The following STXBP5L variants were observed in gnomAD, a reference collection of about 807,000 sequenced individuals.
STXBP5L encodes the protein syntaxin-binding protein 5-like.
A neutral mutation model predicts 144.5 loss-of-function variants in STXBP5L; 65 were observed. That is an observed-to-expected ratio of 0.45 (90% CI 0.37 to 0.55). The LOEUF is 0.55. Among genes scored for constraint, STXBP5L ranks in the 20% least tolerant of loss-of-function variants. The probability of loss-of-function intolerance (pLI) is 0.00; values close to 1 mark genes in which losing one functional copy is unlikely to be tolerated. For missense variants in STXBP5L, 1,298 were observed against 1,405.5 expected (o/e 0.92, Z 1.22); for synonymous variants, 505 against 469.6 (o/e 1.08, Z -0.97).
chr3:121,088,086 C>T (rs2042588472), intron 5 of STXBP5L, among the ~76,000 whole-genome samples: 1 of 151,792 alleles, frequency 6.6e-6, no homozygotes, highest in African/African-American at 2.4e-5. Context: ...CCAAAATTGA[C>T]AAATGGGATC....
chr3:121,278,863 T>C (rs577020795), intron 18 of STXBP5L, among the ~76,000 whole-genome samples: 73 of 151,636 alleles, frequency 4.8e-4, no homozygotes, highest in Non-Finnish European at 1.3e-4. Flanking sequence ...TACTGGAAGA[T>C]GTAGAGCTCT....
chr3:121,303,344 G>A (rs565178463), intron 19 of STXBP5L, among the ~76,000 whole-genome samples: 1 of 151,968 alleles, frequency 6.6e-6, no homozygotes, highest in Non-Finnish European at 1.5e-5. Flanking sequence ...TCTCACACCA[G>A]TTAGAATGGC....
chr3:121,320,482 T>C (rs2043932745), intron 20 of STXBP5L, among the ~76,000 whole-genome samples: 2 of 152,080 alleles, frequency 1.3e-5, no homozygotes. Flanking sequence ...AAAAATTGGC[T>C]AGGGCCTTCA....
chr3:121,342,702 T>C (rs2044765948), intron 20 of STXBP5L, among the ~76,000 whole-genome samples: 1 of 151,262 alleles, frequency 6.6e-6, no homozygotes, highest in African/African-American at 2.4e-5. Flanking sequence ...CTGCATAGTA[T>C]ACCATGTTGT....
chr3:120,993,843 A>AT (rs1040154235), intron 3 of STXBP5L, among the ~76,000 whole-genome samples: 18 of 151,562 alleles, frequency 1.2e-4, no homozygotes, highest in Non-Finnish European at 1.0e-4. Flanking sequence ...AATATCATTG[A>AT]TTTTTTTAAT....
chr3:121,388,432 A>C (rs1379162822), intron 22 of STXBP5L, among the ~76,000 whole-genome samples: 1 of 152,128 alleles, frequency 6.6e-6, no homozygotes, highest in Non-Finnish European at 1.5e-5. Context: ...TTCCAACACT[A>C]TATTGAATAG....
chr3:121,191,377 A>G (rs1227812533), intron 9 of STXBP5L, among the ~76,000 whole-genome samples: 1 of 152,152 alleles, frequency 6.6e-6, no homozygotes, highest in African/African-American at 2.4e-5. Flanking sequence ...GTCTCCACCA[A>G]AAAATATGAA....
At chr3:121,005,054 T>C (rs1944158870) in intron 3 of STXBP5L, among the ~76,000 whole-genome samples, 1 of 152,186 alleles carries the variant, frequency 6.6e-6, no homozygotes, top group Non-Finnish European at 1.5e-5. Flanking sequence ...ATCAGGATAA[T>C]GCTGGCTTCA....
intron 14 of STXBP5L, among the ~76,000 whole-genome samples, chr3:121,249,049 T>A (rs1577301326): frequency 6.6e-6 from 1 of 152,190 alleles, no homozygotes; most frequent in East Asian, 1.9e-4. Context: ...ACTGTAGCCT[T>A]ATAGTATAGT....
At chr3:121,324,573 T>C (rs955984115) in intron 20 of STXBP5L, 14 of 691,826 alleles carry the variant, frequency 2.0e-5, no homozygotes, top group Non-Finnish European at 2.9e-5. Flanking sequence ...GAATCAAGTA[T>C]ATCACTTGCC....
intron 10 of STXBP5L, among the ~76,000 whole-genome samples, chr3:121,206,310 C>A (rs1195477408): frequency 6.6e-6 from 1 of 152,048 alleles, no homozygotes; most frequent in Non-Finnish European, 1.5e-5. Context: ...TAAGCAGAAG[C>A]AATGTGCCCG....
At chr3:121,100,394 A>T (rs1200580265) in intron 5 of STXBP5L, among the ~76,000 whole-genome samples, 2 of 152,188 alleles carry the variant, frequency 1.3e-5, no homozygotes, top group African/African-American at 2.4e-5. Context: ...AATCATATCA[A>T]ACATACTCTC....
At position 121,093,048 on chromosome 3, in the gene STXBP5L, G is replaced by T. The variant is rs529609152; in HGVS notation, c.471-21877G>T. 1.4e-3 allele frequency among the ~76,000 whole-genome samples: 213 copies of T among 152,154 alleles called. 1 individual carries two copies. Among genetic ancestry groups the T allele is most frequent in the Non-Finnish European group, 2.3e-3 (154 of 67,962 alleles). On this transcript the variant is annotated intron_variant, in intron 5 of 26. Transcript: ENST00000471454. ...AGATAATCATGTGGTTTTTGCCTTT[G>T]GTTCTGTTTATATGCTGGATTACAT...
chr3:121,068,851 T>A (rs1012900587), intron 5 of STXBP5L, among the ~76,000 whole-genome samples: 2 of 152,198 alleles, frequency 1.3e-5, no homozygotes, highest in Non-Finnish European at 2.9e-5. Flanking sequence ...TTACTGCAGC[T>A]TTGTTAGAAC....
At chr3:121,327,642 TC>T (rs1559979648) in intron 20 of STXBP5L, among the ~76,000 whole-genome samples, 1 of 152,232 alleles carries the variant, frequency 6.6e-6, no homozygotes, top group Non-Finnish European at 1.5e-5. Context: ...GTATTTTGTT[TC>T]TTTTTTTAGT....
At chr3:121,299,998 C>G in intron 19 of STXBP5L, among the ~76,000 whole-genome samples, 1 of 136,274 alleles carries the variant, frequency 7.3e-6, no homozygotes, top group East Asian at 2.2e-4. Context: ...AAAAAAAATA[C>G]AAAGAAAACG....
intron 4 of STXBP5L, among the ~76,000 whole-genome samples, chr3:121,043,433 G>A (rs771647570): frequency 3.9e-4 from 59 of 152,010 alleles, no homozygotes; most frequent in Non-Finnish European, 6.5e-4. Flanking sequence ...AATACTGGCC[G>A]GGCGCGGTGG....
At position 121,050,366 on chromosome 3, in the gene STXBP5L, C is replaced by A. The variant is rs770331692; in HGVS notation, c.470+4831C>A. ...AAAATAAGTAATGTAGCAGAAATTT[C>A]AAGGATATCAAAAAACTTTAAGATC... On this transcript the variant is annotated intron_variant, in intron 5 of 26. Transcript: ENST00000471454. Among the ~76,000 whole-genome samples, 392 of 152,098 alleles carry A rather than the reference C, an allele frequency of 2.6e-3. 1 individual carries two copies. Among genetic ancestry groups the A allele is most frequent in the Non-Finnish European group, 3.8e-3 (259 of 68,000 alleles).
At chr3:121,318,443 A>G in intron 19 of STXBP5L, 32 bp from the exon 20 acceptor site, 1 of 1,518,916 alleles carries the variant, frequency 6.6e-7, no homozygotes, top group Non-Finnish European at 8.8e-7. Context: ...TGCTAGCAAA[A>G]TTTATCTCAT....
Sources: allele counts gnomAD v4.1 joint callset (sites outside exome capture counted in the v4.1 genomes callset), GRCh38; gene constraint gnomAD v4.1.1; transcripts MANE v1.5; gene names NCBI Gene and HGNC (gene_info 2026-07-23, HGNC 2026-07-21).